Variants in HDGFL2 observed in about 807,000 individuals in gnomAD.
HDGFL2 encodes the protein HDGF like 2.
HDGFL2 carries 36 observed loss-of-function variants against 77.1 expected under a neutral mutation model. That is an observed-to-expected ratio of 0.47 (90% CI 0.36 to 0.62). The LOEUF is 0.62. Among genes scored for constraint, HDGFL2 ranks in the 20% least tolerant of loss-of-function variants. HDGFL2 has a pLI of 0.00. For missense variants in HDGFL2, 976 were observed against 973.4 expected, an observed-to-expected ratio of 1.00 and a Z score of -0.04; for synonymous variants, 463 against 413.1, an observed-to-expected ratio of 1.12 and a Z score of -1.46.
chr19:4,488,636 G>T (rs752269932), intron 3 of HDGFL2, 40 bp from the exon 4 acceptor site: 3 of 1,518,106 alleles, frequency 2.0e-6, no homozygotes, highest in Admixed American at 2.0e-5. Flanking sequence ...ATCCACCCAC[G>T]ACTGGTGGTG....
rs761154027 is a variant in HDGFL2, at chr19:4,501,918, C to T, written c.1924C>T (p.Arg642Trp). ...CTTTGCTGTTCCCACCAGCAGCGTA[C>T]GGGAGGGTCCCGACCTGGACAGGCC... The part of the protein sequence containing the change: ...GSSEDLHDSV[R>W]EGPDLDRPGS... The change falls in exon 16 of 16, where the codon CGG becomes TGG. Residue 642 changes from arginine (R) to tryptophan (W), a missense_variant. This residue lies in a region of HDGFL2 where 229 missense variants were observed against 187.3 expected (regional missense o/e 1.22). Transcript: ENST00000616600. 24 of 1,467,354 alleles carry T rather than the reference C, an allele frequency of 1.6e-5. No individual in the cohort carries two copies. Among genetic ancestry groups the T allele is most frequent in the South Asian group, 4.2e-5 (3 of 71,600 alleles). The allele number at this position is 1,467,354 out of a possible 1,614,324, so 90.9% of individuals were successfully genotyped here. A position where few individuals can be genotyped will look rare whatever the true frequency, so the allele number is the denominator to read the frequency against.
chr19:4,493,702 G>C lies in HDGFL2; in HGVS notation c.679-1G>C, dbSNP rs1345562161. The C allele has an allele frequency of 6.8e-7, 1 of 1,462,168 alleles. No homozygotes were observed. Among genetic ancestry groups the C allele is most frequent in the Admixed American group, 2.6e-5 (1 of 38,952 alleles). 90.6% of individuals were successfully genotyped at this position (1,462,168 alleles called of 1,614,324 possible). A position where few individuals can be genotyped will look rare whatever the true frequency, so the allele number is the denominator to read the frequency against. On this transcript the variant is annotated splice_acceptor_variant, in intron 6 of 15. Coordinates refer to ENST00000616600, the MANE Select transcript of HDGFL2 (RefSeq NM_001001520.3). LOFTEE classifies it high-confidence loss of function. ...TCACGCCTGTCCCTGCTTCTCCCCA[G>C]AAGGCGCCATCAGCCTCCGACTCCG...
chr19:4,493,926 C>G, intron 7 of HDGFL2, 56 bp from the exon 8 acceptor site: 1 of 1,552,396 alleles, frequency 6.4e-7, no homozygotes, highest in Non-Finnish European at 8.7e-7. Flanking sequence ...CAGGCAGTCC[C>G]CTGGTCACCT....
chr19:4,493,125 GGTGTGTGTGTT>G (rs1975584878), intron 6 of HDGFL2, among the ~76,000 whole-genome samples: 1 of 139,000 alleles, frequency 7.2e-6, no homozygotes, highest in African/African-American at 2.7e-5. Flanking sequence ...GTCTGTGTGT[GGTGTGTGTGTT>G]ATCTGTGTCT....
In HDGFL2 at chr19:4,498,007, G is replaced by T; in HGVS notation, c.1378G>T (p.Asp460Tyr). 6.4e-7 allele frequency: 1 copy of T among 1,556,568 alleles called. No individual in the cohort carries two copies. The highest frequency in any genetic ancestry group is 1.9e-5 in the Admixed American group (1 of 51,428). Residue 460 changes from aspartate to tyrosine, a missense_variant, in exon 11 of 16, where the codon GAC becomes TAC. Physicochemically the swap from Asp to Tyr is radical, Grantham distance 160 (BLOSUM62 -3). Transcript: ENST00000616600. Reference protein sequence around the residue: ...TRKRSEGFSMDRKVEKKKEPS... With the variant: ...TRKRSEGFSMYRKVEKKKEPS... ...GAAGCGGTCCGAGGGCTTCTCGATGGACAGGAAGGTAGAGAAGAAGAAAGG... is the reference window on the plus strand; with the variant it reads ...GAAGCGGTCCGAGGGCTTCTCGATGTACAGGAAGGTAGAGAAGAAGAAAGG...
In HDGFL2 at chr19:4,494,426, G is replaced by A. The variant is rs1320884352; in HGVS notation, c.1175G>A (p.Gly392Asp). ...CGGGGACGCAAGGGCCGGGGCCGGGGTCCCCCGTCCTCCTCTGACTCCGAG... is the reference window on the plus strand; with the variant it reads ...CGGGGACGCAAGGGCCGGGGCCGGGATCCCCCGTCCTCCTCTGACTCCGAG... ...KKRGRKGRGR[G>D]PPSSSDSEPE... is the part of the protein sequence containing the mutation. The change falls in exon 9 of 16, where the codon GGT becomes GAT. Residue 392 changes from glycine to aspartate, a missense_variant. This residue lies in a region of HDGFL2 where 567 missense variants were observed against 534.7 expected (regional missense o/e 1.06). Coordinates refer to ENST00000616600, the MANE Select transcript of HDGFL2 (RefSeq NM_001001520.3). The A allele has an allele frequency of 2.8e-6, 4 of 1,406,894 alleles. No individual in the cohort carries two copies. The highest frequency in any genetic ancestry group is 5.8e-5 in the East Asian group (2 of 34,200). 87.2% of individuals were successfully genotyped at this position (1,406,894 alleles called of 1,614,324 possible). A position where few individuals can be genotyped will look rare whatever the true frequency, so the allele number is the denominator to read the frequency against.
chr19:4,500,188 A>G (rs1975821779), intron 14 of HDGFL2, among the ~76,000 whole-genome samples: 2 of 152,214 alleles, frequency 1.3e-5, no homozygotes, highest in Non-Finnish European at 2.9e-5. Context: ...ACATGGCCCC[A>G]TTACAGGTGC....
chr19:4,482,244 C>G (rs566367557), intron 3 of HDGFL2, among the ~76,000 whole-genome samples: 1 of 151,124 alleles, frequency 6.6e-6, no homozygotes, highest in Non-Finnish European at 1.5e-5. Context: ...GAGTCTCGCT[C>G]TGTTGCCCAG....
rs376780327 is a variant in HDGFL2 at position 4,475,522 on chromosome 19, G to A, written c.227G>A (p.Gly76Asp). The change falls in exon 3 of 16, where the codon GGC becomes GAC. Residue 76 changes from glycine (G) to aspartate (D), a missense_variant. Gly to Asp is a moderately conservative substitution (Grantham distance 94, BLOSUM62 -1). Around this residue, in one of 5 missense-constraint regions of HDGFL2, gnomAD observed 103 missense variants for 145.7 expected, o/e 0.71. Transcript: ENST00000616600. ...TACGGGAAGCCCAACAAGAGGAAAG[G>A]CTTCAATGAAGGGCTGTGGGAGATC... ...DKYGKPNKRK[G>D]FNEGLWEIQN... is the part of the protein sequence containing the mutation. 1 of 1,603,144 alleles carries A rather than the reference G, an allele frequency of 6.2e-7. No homozygotes were observed. The highest frequency in any genetic ancestry group is 8.5e-7 in the Non-Finnish European group (1 of 1,177,230).
intron 3 of HDGFL2, among the ~76,000 whole-genome samples, chr19:4,480,208 G>A (rs1296754283): frequency 6.6e-6 from 1 of 152,192 alleles, no homozygotes; most frequent in East Asian, 1.9e-4. Context: ...TTGCTTGGTA[G>A]ATGAAGAGGT....
chr19:4,501,127 GC>G, intron 14 of HDGFL2, 63 bp from the exon 15 acceptor site: 1 of 1,602,326 alleles, frequency 6.2e-7, no homozygotes, highest in Admixed American at 1.7e-5. Flanking sequence ...TCCTTGACAG[GC>G]AAGGGTTCTG....
intron 3 of HDGFL2, among the ~76,000 whole-genome samples, chr19:4,479,406 A>G (rs1022064741): frequency 1.9e-4 from 28 of 150,616 alleles, no homozygotes; most frequent in African/African-American, 6.6e-4. Context: ...ACTTGGTGAA[A>G]CCCTGTCTCT....
Position 4,488,837 on chromosome 19 carries a change from C to T in HDGFL2, c.450C>T (p.Ser150=), listed in dbSNP as rs960621241. 41 of 1,551,434 alleles carry T rather than the reference C, an allele frequency of 2.6e-5. No individual in the cohort carries two copies. The highest frequency in any genetic ancestry group is 5.9e-5 in the South Asian group (5 of 84,064). ...MESDSDSDKS[S]DNSGLKRKTP... ...GCGACTCAGACTCAGACAAGAGTAG[C>T]GACAACAGTGGCCTGAAGAGGAAGA... Residue 150 remains serine (S), a synonymous_variant, in exon 4 of 16, where the codon AGC becomes AGT. Coordinates refer to ENST00000616600, the MANE Select transcript of HDGFL2 (RefSeq NM_001001520.3).
intron 12 of HDGFL2, 108 bp from the exon 13 acceptor site, chr19:4,498,706 G>T (rs1290174400): frequency 2.8e-6 from 2 of 725,904 alleles, no homozygotes; most frequent in East Asian, 2.7e-5. Flanking sequence ...TGCAGATACA[G>T]CTCCCCTCAA....
Position 4,477,697 on chromosome 19 carries a change from C to A in HDGFL2, c.288+2114C>A, listed in dbSNP as rs563801928. 2.0e-4 allele frequency among the ~76,000 whole-genome samples: 30 copies of A among 152,260 alleles called. 1 individual carries two copies. Among genetic ancestry groups the A allele is most frequent in the African/African-American group, 7.2e-4 (30 of 41,550 alleles). ...GAAATTAAACAAGCCCTGTACAGAT[C>A]CCCCAAGATGAGAAGTAGCTTTAGT... On this transcript the variant is annotated intron_variant, in intron 3 of 15. Transcript: ENST00000616600.
chr19:4,493,554 G>T, intron 6 of HDGFL2, 149 bp from the exon 7 acceptor site: 7 of 1,112,220 alleles, frequency 6.3e-6, no homozygotes, highest in Non-Finnish European at 8.1e-6. Flanking sequence ...GGTGGGTTTT[G>T]TGGGTGGGAG....
At chr19:4,489,934 C>T (rs968772594) in intron 4 of HDGFL2, among the ~76,000 whole-genome samples, 5 of 152,164 alleles carry the variant, frequency 3.3e-5, no homozygotes, top group Non-Finnish European at 5.9e-5. Flanking sequence ...CTGGCACCCA[C>T]ACATCCCCTT....
intron 3 of HDGFL2, among the ~76,000 whole-genome samples, chr19:4,483,037 C>G (rs1182504645): frequency 1.3e-5 from 2 of 152,324 alleles, no homozygotes; most frequent in African/African-American, 2.4e-5. Flanking sequence ...CCCAGGTACG[C>G]GAGCCCTTCC....
At chr19:4,501,044 TG>T in intron 14 of HDGFL2, 146 bp from the exon 15 acceptor site, 1 of 894,574 alleles carries the variant, frequency 1.1e-6, no homozygotes, top group African/African-American at 1.7e-5. Context: ...GCTTGCAGAC[TG>T]GACAGCAGGT....
Sources: gnomAD v4.1 joint callset for allele counts (sites outside exome capture counted in the v4.1 genomes callset) on GRCh38, gnomAD v4.1.1 for gene constraint, gnomAD v4.1.1 regional missense constraint, MANE v1.5 for transcripts, NCBI Gene and HGNC (gene_info 2026-07-23, HGNC 2026-07-21) for gene names.